The following GRID2 variants were observed in gnomAD, a reference collection of about 807,000 sequenced individuals.
GRID2 encodes the protein glutamate ionotropic receptor delta type subunit 2, also known as glutamate receptor ionotropic, delta-2.
In GRID2, 33 loss-of-function variants were observed where a neutral mutation model predicts 114.8. The observed-to-expected ratio is 0.29, with a 90% CI of 0.22 to 0.38. The LOEUF (loss-of-function observed/expected upper bound fraction) is 0.38, where lower values mean the gene tolerates loss of function less well. GRID2 is among the 10% of genes least tolerant of loss of function. The probability of loss-of-function intolerance (pLI) is 1.00; values close to 1 mark genes in which losing one functional copy is unlikely to be tolerated. For missense variants in GRID2, 1,184 were observed against 1,257.7 expected, an observed-to-expected ratio of 0.94 and a Z score of 0.89; for synonymous variants, 505 against 449.9, an observed-to-expected ratio of 1.12 and a Z score of -1.55.
rs770186876 is a variant in GRID2, at chr4:92,411,653, G to GTATATATATATATATATATA, written c.88+106910_88+106911insATATATATATATATATATAT. Among the ~76,000 whole-genome samples, 159 of 98,738 alleles carry GTATATATATATATATATATA rather than the reference G, an allele frequency of 1.6e-3. 1 individual carries two copies. Among genetic ancestry groups the GTATATATATATATATATATA allele is most frequent in the African/African-American group, 6.7e-3 (137 of 20,590 alleles). 64.8% of individuals were successfully genotyped at this position (98,738 alleles called of 152,430 possible). ...TGTGTGTGTGTGTGTGTGTGTGTGTGTGTATATATATATATATATATATAT... is the reference window on the plus strand; with the variant it reads ...TGTGTGTGTGTGTGTGTGTGTGTGTGTATATATATATATATATATATGTATATATATATATATATATATAT... On this transcript the variant is annotated intron_variant, in intron 1 of 15. Transcript: ENST00000282020.
intron 1 of GRID2, among the ~76,000 whole-genome samples, chr4:92,371,511 A>T (rs1385613409): frequency 6.6e-6 from 1 of 152,142 alleles, no homozygotes; most frequent in Non-Finnish European, 1.5e-5. Flanking sequence ...TGCTCTATAA[A>T]TGGAACAACA....
intron 14 of GRID2, among the ~76,000 whole-genome samples, chr4:93,680,212 C>T (rs1725373878): frequency 1.3e-5 from 2 of 152,088 alleles, no homozygotes; most frequent in African/African-American, 2.4e-5. Flanking sequence ...CATACACTCT[C>T]CCAAGACTAA....
chr4:93,008,159 T>G (rs2149226979), intron 2 of GRID2, among the ~76,000 whole-genome samples: 1 of 152,184 alleles, frequency 6.6e-6, no homozygotes. Context: ...TTGTAAAATC[T>G]TAACTTTCTC....
intron 2 of GRID2, among the ~76,000 whole-genome samples, chr4:92,652,245 G>A (rs7694867): frequency 0.27 from 41,574 of 151,676 alleles, 5,785 homozygotes; most frequent in Middle Eastern, 0.33. Flanking sequence ...TTCTTTACTC[G>A]GTCTACTGAT....
chr4:92,558,393 CT>C (rs1726960508), intron 1 of GRID2, among the ~76,000 whole-genome samples: 1 of 152,056 alleles, frequency 6.6e-6, no homozygotes, highest in South Asian at 2.1e-4. Context: ...CTAAATTGAA[CT>C]TTTATAAACG....
intron 13 of GRID2, among the ~76,000 whole-genome samples, chr4:93,521,280 T>C (rs1388028734): frequency 6.6e-6 from 1 of 152,142 alleles, no homozygotes; most frequent in Non-Finnish European, 1.5e-5. Flanking sequence ...AGTTTATATT[T>C]AAGGCCACAA....
chr4:92,772,446 C>A (rs1738588585), intron 2 of GRID2, among the ~76,000 whole-genome samples: 1 of 152,008 alleles, frequency 6.6e-6, no homozygotes, highest in Non-Finnish European at 1.5e-5. Flanking sequence ...AGACTTTTAC[C>A]TTCCCACCTT....
intron 2 of GRID2, among the ~76,000 whole-genome samples, chr4:92,748,432 A>G (rs1737262928): frequency 6.6e-6 from 1 of 151,978 alleles, no homozygotes; most frequent in Non-Finnish European, 1.5e-5. Flanking sequence ...GAAAAACTAC[A>G]TGATGATCTC....
At chr4:93,681,947 A>C (rs905035335) in intron 14 of GRID2, among the ~76,000 whole-genome samples, 1 of 151,192 alleles carries the variant, frequency 6.6e-6, no homozygotes, top group Non-Finnish European at 1.5e-5. Flanking sequence ...CATTAAACTA[A>C]AGAGCTTCTG....
At chr4:93,232,678 T>C (rs1393091833) in intron 7 of GRID2, among the ~76,000 whole-genome samples, 1 of 151,726 alleles carries the variant, frequency 6.6e-6, no homozygotes, top group Non-Finnish European at 1.5e-5. Flanking sequence ...AATATCAGTT[T>C]ATGCAATATG....
At chr4:93,804,234 G>T (rs1734989479) in intron 1 of GRID2, among the ~76,000 whole-genome samples, 1 of 152,104 alleles carries the variant, frequency 6.6e-6, no homozygotes, top group South Asian at 2.1e-4. Flanking sequence ...AATATACCAG[G>T]TAAGAACTCT....
At chr4:93,550,589 A>C (rs1261486517) in intron 13 of GRID2, among the ~76,000 whole-genome samples, 1 of 152,202 alleles carries the variant, frequency 6.6e-6, no homozygotes, top group African/African-American at 2.4e-5. Flanking sequence ...TTTGAAGACT[A>C]TTAGATGCCT....
intron 2 of GRID2, among the ~76,000 whole-genome samples, chr4:92,688,813 T>C (rs1734045008): frequency 6.6e-6 from 1 of 152,228 alleles, no homozygotes; most frequent in South Asian, 2.1e-4. Flanking sequence ...GTATCTAGAA[T>C]GGTGAAATCT....
intron 2 of GRID2, among the ~76,000 whole-genome samples, chr4:92,619,951 T>C (rs901423614): frequency 1.3e-5 from 2 of 151,752 alleles, no homozygotes; most frequent in Admixed American, 1.3e-4. Flanking sequence ...GATTCAGTTT[T>C]TATGGAATAA....
At chr4:92,711,131 A>G (rs1735224546) in intron 2 of GRID2, among the ~76,000 whole-genome samples, 2 of 152,106 alleles carry the variant, frequency 1.3e-5, no homozygotes, top group Non-Finnish European at 2.9e-5. Context: ...TTTTTAAAAA[A>G]TGCTATTTGG....
At chr4:92,927,763 G>C (rs976764492) in intron 2 of GRID2, among the ~76,000 whole-genome samples, 1 of 151,678 alleles carries the variant, frequency 6.6e-6, no homozygotes, top group African/African-American at 2.4e-5. Context: ...AGATTCTTAT[G>C]GAGATATTTA....
At chr4:93,647,835 G>T (rs191268386) in intron 14 of GRID2, among the ~76,000 whole-genome samples, 73 of 152,198 alleles carry the variant, frequency 4.8e-4, no homozygotes, top group Admixed American at 2.8e-3. Flanking sequence ...AAATGAAAAA[G>T]AATTAACACC....
At chr4:93,112,418 G>A (rs1732857158) in intron 4 of GRID2, among the ~76,000 whole-genome samples, 1 of 152,054 alleles carries the variant, frequency 6.6e-6, no homozygotes, top group Non-Finnish European at 1.5e-5. Context: ...CCCCCATGCT[G>A]TTCTCATGAT....
chr4:93,499,790 T>C (rs1302554157), intron 12 of GRID2, among the ~76,000 whole-genome samples: 1 of 151,860 alleles, frequency 6.6e-6, no homozygotes, highest in East Asian at 1.9e-4. Context: ...TGACAGCTAG[T>C]TTTCTAAATA....
Sources: gnomAD v4.1 joint callset for allele counts (sites outside exome capture counted in the v4.1 genomes callset) on GRCh38, gnomAD v4.1.1 for gene constraint, MANE v1.5 for transcripts, NCBI Gene and HGNC (gene_info 2026-07-23, HGNC 2026-07-21) for gene names.